CNTNAP2: variants seen among roughly 807,000 people sequenced by gnomAD.
CNTNAP2 encodes the protein contactin-associated protein-like 2.
A neutral mutation model predicts 155.2 loss-of-function variants in CNTNAP2; 98 were observed. That is an observed-to-expected ratio of 0.63 (90% confidence interval 0.54 to 0.75). The LOEUF is 0.75. Among genes scored for constraint, CNTNAP2 ranks in the 30% least tolerant of loss-of-function variants. CNTNAP2 has a pLI of 0.00. For synonymous variants in CNTNAP2, 651 were observed against 631.2 expected, an observed-to-expected ratio of 1.03 and a Z score of -0.47; for missense variants, 1,727 against 1,688.1, an observed-to-expected ratio of 1.02 and a Z score of -0.40.
Position 146,977,698 on chromosome 7 carries a change from A to G in CNTNAP2, c.403-66209A>G, listed in dbSNP as rs185798504. ...CATTTGATGTGGAACATTCTCTTAG[A>G]TACTATATTTTATAATTTTTAAATT... On this transcript the variant is annotated intron_variant, in intron 3 of 23. Transcript: ENST00000361727. Among the ~76,000 whole-genome samples the G allele has an allele frequency of 4.7e-4, 72 of 152,320 alleles. No individual in the cohort carries two copies. The East Asian group carries it at 0.014, about 29-fold the overall frequency.
intron 1 of CNTNAP2, among the ~76,000 whole-genome samples, chr7:146,202,534 A>C (rs776628436): frequency 1.3e-5 from 2 of 152,134 alleles, no homozygotes; most frequent in Non-Finnish European, 2.9e-5. Context: ...CGGCAATCCA[A>C]ACTATATAGA....
intron 11 of CNTNAP2, among the ~76,000 whole-genome samples, chr7:147,507,408 C>T (rs1798925294): frequency 6.6e-6 from 1 of 152,082 alleles, no homozygotes; most frequent in Non-Finnish European, 1.5e-5. Context: ...CACACCAGTC[C>T]ACCCTTCAAC....
chr7:147,898,974 T>A (rs1218976885), intron 13 of CNTNAP2, among the ~76,000 whole-genome samples: 1 of 152,224 alleles, frequency 6.6e-6, no homozygotes, highest in African/African-American at 2.4e-5. Context: ...AATGTCTTTT[T>A]TAGGTCTGAA....
intron 1 of CNTNAP2, among the ~76,000 whole-genome samples, chr7:146,123,848 C>A (rs1164603430): frequency 6.6e-6 from 1 of 151,984 alleles, no homozygotes; most frequent in Admixed American, 6.6e-5. Flanking sequence ...TGAAACCAAC[C>A]CAAATGCCCA....
At chr7:147,323,238 C>A (rs1795386451) in intron 9 of CNTNAP2, among the ~76,000 whole-genome samples, 1 of 96,168 alleles carries the variant, frequency 1.0e-5, no homozygotes, top group South Asian at 4.4e-4. Flanking sequence ...CCTCTACACA[C>A]TGCTTTGAAT....
At chr7:147,532,667 A>T (rs116560410) in intron 11 of CNTNAP2, among the ~76,000 whole-genome samples, 415 of 152,344 alleles carry the variant, frequency 2.7e-3, no homozygotes, top group African/African-American at 9.6e-3. Flanking sequence ...AGGAAGTTTA[A>T]TTGGACTTAC....
chr7:148,025,035 C>G (rs1023219827), intron 15 of CNTNAP2, among the ~76,000 whole-genome samples: 2 of 152,174 alleles, frequency 1.3e-5, no homozygotes, highest in Non-Finnish European at 2.9e-5. Flanking sequence ...GAAACTAACC[C>G]CTCCTTGCTT....
intron 22 of CNTNAP2, among the ~76,000 whole-genome samples, chr7:148,401,744 A>G (rs956961871): frequency 5.9e-5 from 9 of 151,848 alleles, no homozygotes; most frequent in Non-Finnish European, 1.3e-4. Context: ...GACTACAGGC[A>G]CCCACCACCA....
At chr7:147,575,396 G>GTA (rs1800377817) in intron 12 of CNTNAP2, among the ~76,000 whole-genome samples, 1 of 148,620 alleles carries the variant, frequency 6.7e-6, no homozygotes, top group Admixed American at 6.7e-5. Flanking sequence ...GTGTGTGTGT[G>GTA]TGTGTGTGTA....
At chr7:146,752,228 T>G (rs1253152559) in intron 1 of CNTNAP2, among the ~76,000 whole-genome samples, 1 of 152,110 alleles carries the variant, frequency 6.6e-6, no homozygotes, top group Non-Finnish European at 1.5e-5. Flanking sequence ...TTGAACTAAT[T>G]TACACTCCCA....
intron 1 of CNTNAP2, among the ~76,000 whole-genome samples, chr7:146,161,366 G>T (rs537451264): frequency 6.6e-5 from 10 of 152,288 alleles, no homozygotes; most frequent in African/African-American, 2.4e-4. Flanking sequence ...TCAGGCAAGA[G>T]AAAGAAATAA....
At chr7:147,063,856 G>T (rs746533696) in intron 4 of CNTNAP2, among the ~76,000 whole-genome samples, 1 of 151,940 alleles carries the variant, frequency 6.6e-6, no homozygotes, top group Non-Finnish European at 1.5e-5. Flanking sequence ...AAATATAAAA[G>T]CAGTATAAAA....
In CNTNAP2 at chr7:147,342,040, G is replaced by A. The variant is rs548099043; in HGVS notation, c.1498+41750G>A. ...AGTTCTTGATGAGGGTACTCTTCCC[G>A]GTTTACAGATGGCCAGCTTCTCACT... On this transcript the variant is annotated intron_variant, in intron 9 of 23. Transcript: ENST00000361727. 3.9e-5 allele frequency among the ~76,000 whole-genome samples: 6 copies of A among 152,160 alleles called. No homozygotes were observed. In the South Asian group the frequency reaches 6.2e-4, roughly 16 times the overall value.
At chr7:147,685,804 C>A (rs751938482) in intron 13 of CNTNAP2, among the ~76,000 whole-genome samples, 1 of 151,804 alleles carries the variant, frequency 6.6e-6, no homozygotes, top group Non-Finnish European at 1.5e-5. Context: ...AAAATTTGAA[C>A]AGAAATTTGA....
intron 8 of CNTNAP2, among the ~76,000 whole-genome samples, chr7:147,169,007 C>T (rs996227654): frequency 6.6e-6 from 1 of 152,146 alleles, no homozygotes; most frequent in African/African-American, 2.4e-5. Context: ...ATGCAAAGCA[C>T]TTCGTTCAAG....
chr7:146,711,032 T>C (rs996804386), intron 1 of CNTNAP2, among the ~76,000 whole-genome samples: 2 of 151,782 alleles, frequency 1.3e-5, no homozygotes. Flanking sequence ...CTCAACCTCT[T>C]GGCTCAGGTG....
intron 1 of CNTNAP2, among the ~76,000 whole-genome samples, chr7:146,402,847 T>C (rs1718070): frequency 0.53 from 81,291 of 151,980 alleles, 25,435 homozygotes; most frequent in African/African-American, 0.87. Flanking sequence ...CGGTTGAATT[T>C]TTGACTTTGA....
intron 1 of CNTNAP2, among the ~76,000 whole-genome samples, chr7:146,718,154 G>C (rs901449741): frequency 6.6e-6 from 1 of 152,038 alleles, no homozygotes; most frequent in Non-Finnish European, 1.5e-5. Context: ...TTTACCATAC[G>C]CATAGTTATA....
At chr7:148,152,999 T>A (rs1206330843) in intron 17 of CNTNAP2, among the ~76,000 whole-genome samples, 2 of 116,390 alleles carry the variant, frequency 1.7e-5, no homozygotes, top group South Asian at 5.5e-4. Flanking sequence ...CCAGCCTGGG[T>A]GACTGAGCAA....
Sources: allele counts gnomAD v4.1 joint callset (sites outside exome capture counted in the v4.1 genomes callset), GRCh38; gene constraint gnomAD v4.1.1; transcripts MANE v1.5; gene names NCBI Gene and HGNC (gene_info 2026-07-23, HGNC 2026-07-21).